The following PDZRN3 variants were observed in gnomAD, a reference collection of about 807,000 sequenced individuals.
The protein encoded by PDZRN3 is E3 ubiquitin-protein ligase PDZRN3.
PDZRN3 carries 38 observed loss-of-function variants against 85.7 expected under a neutral mutation model. The ratio of observed to expected loss-of-function variants is 0.44; its 90% CI spans 0.34 to 0.58. The LOEUF (loss-of-function observed/expected upper bound fraction) is 0.58, where lower values mean the gene tolerates loss of function less well. Ranked by LOEUF, PDZRN3 falls within the 20% of genes least tolerant of loss-of-function variation. The pLI, the probability that PDZRN3 is intolerant of heterozygous loss-of-function variation, is 0.01. For missense variants in PDZRN3, 1,629 were observed against 1,506.4 expected (o/e 1.08, Z -1.35); for synonymous variants, 759 against 638.0 (o/e 1.19, Z -2.86).
intron 3 of PDZRN3, among the ~76,000 whole-genome samples, chr3:73,585,944 G>A (rs909467721): frequency 6.6e-6 from 1 of 152,126 alleles, no homozygotes; most frequent in Non-Finnish European, 1.5e-5. Flanking sequence ...CATGGAACCA[G>A]TTAACCAGAA....
intron 5 of PDZRN3, among the ~76,000 whole-genome samples, chr3:73,399,199 C>T (rs1475410241): frequency 6.6e-6 from 1 of 152,202 alleles, no homozygotes; most frequent in African/African-American, 2.4e-5. Flanking sequence ...GTCTCTACTA[C>T]TTCATAACTC....
intron 3 of PDZRN3, among the ~76,000 whole-genome samples, chr3:73,489,016 A>G (rs1346187793): frequency 6.6e-6 from 1 of 152,192 alleles, no homozygotes; most frequent in Non-Finnish European, 1.5e-5. Context: ...ATTGGTTGCC[A>G]TATCTTTGGG....
intron 3 of PDZRN3, among the ~76,000 whole-genome samples, chr3:73,466,407 A>G (rs1416887180): frequency 4.6e-5 from 7 of 152,108 alleles, no homozygotes; most frequent in Non-Finnish European, 1.0e-4. Context: ...TAATAACAAC[A>G]AAAGCAAGAC....
Position 73,384,556 on chromosome 3 carries a change from G to A in PDZRN3, c.2010C>T (p.Pro670=). Residue 670 remains proline, a synonymous_variant, in exon 10 of 10, where the codon CCC becomes CCT. Coordinates refer to ENST00000263666, the MANE Select transcript of PDZRN3 (RefSeq NM_015009.3). ...CAGGGTCACTCTTGCCGGCGTCCAG[G>A]GGGCCGCTAGGGTAGTACAGGCCGT... ...TPYGLYYPSG[P]LDAGKSDPES... is the part of the protein sequence containing the mutation. The A allele has an allele frequency of 6.2e-7, 1 of 1,613,682 alleles. No individual in the cohort carries two copies. Among genetic ancestry groups the A allele is most frequent in the Non-Finnish European group, 8.5e-7 (1 of 1,180,044 alleles).
At chr3:73,534,561 T>C (rs962755552) in intron 3 of PDZRN3, among the ~76,000 whole-genome samples, 4 of 152,212 alleles carry the variant, frequency 2.6e-5, no homozygotes, top group African/African-American at 9.6e-5. Flanking sequence ...GAAAGGAATA[T>C]GTTCATGGGA....
At chr3:73,466,458 A>T (rs1275987441) in intron 3 of PDZRN3, among the ~76,000 whole-genome samples, 1 of 152,202 alleles carries the variant, frequency 6.6e-6, no homozygotes, top group South Asian at 2.1e-4. Flanking sequence ...TGATGAAATG[A>T]TGGTAAAAAC....
intron 3 of PDZRN3, among the ~76,000 whole-genome samples, chr3:73,420,618 T>G (rs1559670001): frequency 6.6e-6 from 1 of 152,240 alleles, no homozygotes; most frequent in African/African-American, 2.4e-5. Flanking sequence ...TCCACATAAG[T>G]TGACCTTTCT....
At chr3:73,477,928 T>C (rs2106899385) in intron 3 of PDZRN3, among the ~76,000 whole-genome samples, 1 of 152,266 alleles carries the variant, frequency 6.6e-6, no homozygotes, top group South Asian at 2.1e-4. Context: ...CATCAGATCT[T>C]GTGAGACTTA....
chr3:73,520,995 T>C (rs1448012162), intron 3 of PDZRN3, among the ~76,000 whole-genome samples: 1 of 152,174 alleles, frequency 6.6e-6, no homozygotes, highest in Non-Finnish European at 1.5e-5. Context: ...AAGGAATGTG[T>C]TGCACATGGC....
At chr3:73,525,569 T>C (rs544766470) in intron 3 of PDZRN3, among the ~76,000 whole-genome samples, 9 of 152,334 alleles carry the variant, frequency 5.9e-5, no homozygotes, top group Admixed American at 3.9e-4. Flanking sequence ...GAGAGAGAGC[T>C]GCAGAGTTCT....
At chr3:73,614,993 G>C (rs1055442445) in intron 1 of PDZRN3, among the ~76,000 whole-genome samples, 2 of 151,882 alleles carry the variant, frequency 1.3e-5, no homozygotes, top group African/African-American at 4.8e-5. Context: ...GTTGAAATTG[G>C]ATGAGACACT....
chr3:73,413,911 G>C (rs1430906709), intron 3 of PDZRN3, among the ~76,000 whole-genome samples: 1 of 152,108 alleles, frequency 6.6e-6, no homozygotes, highest in African/African-American at 2.4e-5. Context: ...ACTCACCTTG[G>C]GAATGGTATG....
At chr3:73,556,980 G>C (rs1463992355) in intron 3 of PDZRN3, 1 of 152,226 alleles carries the variant, frequency 6.6e-6, no homozygotes, top group African/African-American at 2.4e-5. Context: ...ACTGTCCCCT[G>C]TCCTGTCCCT....
At chr3:73,615,428 G>A (rs757870645) in intron 1 of PDZRN3, among the ~76,000 whole-genome samples, 3 of 152,198 alleles carry the variant, frequency 2.0e-5, no homozygotes, top group Non-Finnish European at 4.4e-5. Flanking sequence ...TATGGGGTGT[G>A]CTACGATCTA....
At chr3:73,478,263 A>C (rs1442074165) in intron 3 of PDZRN3, among the ~76,000 whole-genome samples, 1 of 152,082 alleles carries the variant, frequency 6.6e-6, no homozygotes, top group Non-Finnish European at 1.5e-5. Context: ...GTGAAGCTTC[A>C]TCTATATTTA....
chr3:73,484,075 C>T (rs1056830951), intron 3 of PDZRN3, among the ~76,000 whole-genome samples: 7 of 151,772 alleles, frequency 4.6e-5, no homozygotes, highest in African/African-American at 1.7e-4. Flanking sequence ...AAACATGATG[C>T]GGGGGCCTGG....
chr3:73,562,983 T>C (rs576668747), intron 3 of PDZRN3, among the ~76,000 whole-genome samples: 1 of 18,964 alleles, frequency 5.3e-5, no homozygotes, highest in Middle Eastern at 0.045. Context: ...AGTTGGCAAA[T>C]TATATATATA....
intron 3 of PDZRN3, among the ~76,000 whole-genome samples, chr3:73,558,604 G>A (rs1049402090): frequency 2.0e-5 from 3 of 152,272 alleles, no homozygotes; most frequent in Admixed American, 1.3e-4. Flanking sequence ...GTTCGGTCCC[G>A]CTCCCTGGGT....
At chr3:73,504,365 T>G (rs1255596348) in intron 3 of PDZRN3, among the ~76,000 whole-genome samples, 2 of 152,242 alleles carry the variant, frequency 1.3e-5, no homozygotes, top group Admixed American at 6.5e-5. Flanking sequence ...TTGTTTTTAC[T>G]CAGCCCTTCT....
Sources: gnomAD v4.1 joint callset for allele counts (sites outside exome capture counted in the v4.1 genomes callset) on GRCh38, gnomAD v4.1.1 for gene constraint, MANE v1.5 for transcripts, NCBI Gene and HGNC (gene_info 2026-07-23, HGNC 2026-07-21) for gene names.